Variants in PRSS23 observed in about 807,000 individuals in gnomAD.
The protein encoded by PRSS23 is protease, serine 23.
Under a neutral mutation model 34.7 loss-of-function variants are expected in PRSS23, and 25 were observed. The ratio of observed to expected loss-of-function variants is 0.72; its 90% CI spans 0.53 to 1.01. The LOEUF (loss-of-function observed/expected upper bound fraction) is 1.01, where lower values mean the gene tolerates loss of function less well. PRSS23 is among the 50% of genes least tolerant of loss of function. The pLI is 0.00. For missense variants in PRSS23, 445 were observed against 475.6 expected, an observed-to-expected ratio of 0.94 and a Z score of 0.60; for synonymous variants, 176 against 186.6, an observed-to-expected ratio of 0.94 and a Z score of 0.46.
chr11:86,897,876 A>G (rs1439824002), intron 2 of PRSS23, among the ~76,000 whole-genome samples: 1 of 152,206 alleles, frequency 6.6e-6, no homozygotes, highest in African/African-American at 2.4e-5. Context: ...CTGTTTAACC[A>G]GTATTTATTG....
chr11:86,841,213 C>T (rs189567078), intron 2 of PRSS23, among the ~76,000 whole-genome samples: 12 of 152,004 alleles, frequency 7.9e-5, no homozygotes, highest in African/African-American at 2.7e-4. Flanking sequence ...GTGGCACATG[C>T]CTGCAATCCC....
At chr11:86,844,772 G>C (rs1948473938) in intron 2 of PRSS23, among the ~76,000 whole-genome samples, 1 of 152,222 alleles carries the variant, frequency 6.6e-6, no homozygotes, top group Non-Finnish European at 1.5e-5. Flanking sequence ...TGCTGGAAGG[G>C]ATGAAAGAAC....
At chr11:86,802,693 A>T (rs990669799) in intron 1 of PRSS23, among the ~76,000 whole-genome samples, 1 of 152,202 alleles carries the variant, frequency 6.6e-6, no homozygotes, top group African/African-American at 2.4e-5. Context: ...CCTAAGGATT[A>T]GGTTTTCCCT....
rs555240638 is a variant in PRSS23, at chr11:86,926,351, G to A, written c.207-24865G>A. Among the ~76,000 whole-genome samples the A allele has an allele frequency of 1.6e-4, 24 of 152,268 alleles. No individual in the cohort carries two copies. In the South Asian group the frequency reaches 3.3e-3, roughly 21 times the overall value. ...GCACTCCAGACTAGGTGACAAGAAC[G>A]AGACTGCATCTCACAAAAATAAATA... On this transcript the variant is annotated intron_variant, in intron 2 of 2. Coordinates refer to the PRSS23 transcript ENST00000533902.
intron 2 of PRSS23, among the ~76,000 whole-genome samples, chr11:86,841,169 A>C (rs1373199710): frequency 6.6e-6 from 1 of 151,964 alleles, no homozygotes; most frequent in Non-Finnish European, 1.5e-5. Flanking sequence ...GAGATACTCC[A>C]TCTCTACTAA....
intron 2 of PRSS23, among the ~76,000 whole-genome samples, chr11:86,855,430 C>A (rs1036704368): frequency 1.3e-5 from 2 of 152,142 alleles, no homozygotes; most frequent in Non-Finnish European, 2.9e-5. Context: ...TCTCTCCATT[C>A]CCTATCCCAC....
rs140877593 is a variant in PRSS23, at chr11:86,914,185, C to G, written c.207-37031C>G. 8.2e-3 allele frequency among the ~76,000 whole-genome samples: 1,245 copies of G among 152,162 alleles called. 9 individuals are homozygous for G. The highest frequency in any genetic ancestry group is 0.012 in the Non-Finnish European group (830 of 67,996). On this transcript the variant is annotated intron_variant, in intron 2 of 2. Transcript: ENST00000533902. ...AGGTTGCAGCAAGCCGAGATCGTGC[C>G]ACTACACTCCAGCCTGGGTGACAGA...
chr11:86,834,191 G>C (rs1351267226), intron 2 of PRSS23, among the ~76,000 whole-genome samples: 1 of 152,136 alleles, frequency 6.6e-6, no homozygotes, highest in Non-Finnish European at 1.5e-5. Flanking sequence ...GAAGAGGCCT[G>C]GTCCAGTAAA....
At chr11:86,806,353 T>C (rs946338205) in intron 1 of PRSS23, among the ~76,000 whole-genome samples, 3 of 152,288 alleles carry the variant, frequency 2.0e-5, no homozygotes, top group Non-Finnish European at 4.4e-5. Flanking sequence ...TCAGCACCCA[T>C]CTGAAACATC....
At chr11:86,863,569 A>C (rs1590900837) in intron 2 of PRSS23, among the ~76,000 whole-genome samples, 1 of 152,314 alleles carries the variant, frequency 6.6e-6, no homozygotes. Flanking sequence ...ATTTGAGGTC[A>C]CAGGGACATT....
At chr11:86,857,687 T>C in intron 2 of PRSS23, 1 of 584,598 alleles carries the variant, frequency 1.7e-6, no homozygotes, top group South Asian at 1.4e-5. Flanking sequence ...ATGTCTTCTA[T>C]ACATGCAAAA....
intron 1 of PRSS23, among the ~76,000 whole-genome samples, chr11:86,818,263 A>G (rs1199563216): frequency 2.0e-5 from 3 of 152,230 alleles, no homozygotes; most frequent in Non-Finnish European, 4.4e-5. Flanking sequence ...ATACATGCTA[A>G]CCAAATATTT....
chr11:86,808,549 T>C lies in PRSS23; in HGVS notation c.906T>C (p.Tyr302=), dbSNP rs745498382. ...TCTGTGACGTCAAAGACGAGACCTA[T>C]GACTTGCTCTACCAGCAATGCGATG... ...YRFCDVKDET[Y]DLLYQQCDAQ... is the part of the protein sequence containing the mutation. The change falls in exon 2 of 2, where the codon TAT becomes TAC. Residue 302 remains tyrosine, a synonymous_variant. Transcript: ENST00000280258. 6.2e-7 allele frequency: 1 copy of C among 1,614,202 alleles called. No individual in the cohort carries two copies. The highest frequency in any genetic ancestry group is 8.5e-7 in the Non-Finnish European group (1 of 1,180,024).
intron 1 of PRSS23, among the ~76,000 whole-genome samples, chr11:86,791,940 G>A (rs1429823025): frequency 2.0e-5 from 3 of 152,224 alleles, no homozygotes; most frequent in African/African-American, 4.8e-5. Context: ...AAAATAATTT[G>A]AGAATCAGGC....
intron 2 of PRSS23, among the ~76,000 whole-genome samples, chr11:86,856,018 A>T (rs1948568172): frequency 6.6e-6 from 1 of 152,232 alleles, no homozygotes. Context: ...TATTTTAAAA[A>T]TGTCTCAGAA....
Position 86,856,463 on chromosome 11 carries a change from C to T in PRSS23, c.206+32870C>T, listed in dbSNP as rs12576503. 9.3e-4 allele frequency among the ~76,000 whole-genome samples: 141 copies of T among 152,210 alleles called. 1 individual carries two copies. The East Asian group carries it at 0.023, about 25-fold the overall frequency. The stretch of plus-strand genomic sequence containing the variant: ...AACGTTGAGAACCGAACCGGTGACA[C>T]GGATCTCTACACATAACCTGCCTAA... On this transcript the variant is annotated intron_variant, in intron 2 of 2. Coordinates refer to the PRSS23 transcript ENST00000533902.
chr11:86,797,443 CT>C (rs1947988484), upstream of PRSS23, among the ~76,000 whole-genome samples: 1 of 152,180 alleles, frequency 6.6e-6, no homozygotes, highest in African/African-American at 2.4e-5. Context: ...ACAACAAAAG[CT>C]TGTGGTGCAT....
intron 2 of PRSS23, among the ~76,000 whole-genome samples, chr11:86,824,361 A>AAAATAAAATAAAATAAAAT (rs1193672467): frequency 3.8e-4 from 57 of 149,344 alleles, no homozygotes; most frequent in African/African-American, 1.4e-3. Context: ...AAAATAAAAT[A>AAAATAAAATAAAATAAAAT]AAATAAAATA....
rs185745221 is a variant in PRSS23, at chr11:86,904,385, T to A, written c.207-46831T>A. Reference sequence around the variant, plus strand: ...CATCTTGCATGTTGTATCCTAGTAATCATGAACTGCTTGTGGTTCTAGCAG... The same window carrying A: ...CATCTTGCATGTTGTATCCTAGTAAACATGAACTGCTTGTGGTTCTAGCAG... On this transcript the variant is annotated intron_variant, in intron 2 of 2. Coordinates refer to the PRSS23 transcript ENST00000533902. 5.5e-3 allele frequency among the ~76,000 whole-genome samples: 832 copies of A among 152,234 alleles called. 7 individuals are homozygous for A. Among genetic ancestry groups the A allele is most frequent in the Non-Finnish European group, 5.1e-3 (348 of 68,020 alleles).
Sources: allele counts gnomAD v4.1 joint callset (sites outside exome capture counted in the v4.1 genomes callset), GRCh38; gene constraint gnomAD v4.1.1; transcripts MANE v1.5; gene names NCBI Gene and HGNC (gene_info 2026-07-23, HGNC 2026-07-21).